ASTN2: variants seen among roughly 807,000 people sequenced by gnomAD.
ASTN2 encodes astrotactin-2.
A neutral mutation model predicts 139.8 loss-of-function variants in ASTN2; 54 were observed. That is an observed-to-expected ratio of 0.39 (90% confidence interval 0.31 to 0.48). The LOEUF is 0.48. Among genes scored for constraint, ASTN2 ranks in the 20% least tolerant of loss-of-function variants. The pLI is 0.95. For missense variants in ASTN2, 1,565 were observed against 1,725.1 expected (o/e 0.91, Z 1.64); for synonymous variants, 756 against 719.5 (o/e 1.05, Z -0.81).
At chr9:116,720,222 G>T (rs1048725279) in intron 16 of ASTN2, among the ~76,000 whole-genome samples, 3 of 152,196 alleles carry the variant, frequency 2.0e-5, no homozygotes, top group Non-Finnish European at 2.9e-5. Flanking sequence ...AAAGCACATT[G>T]TAATTCAAAT....
chr9:116,660,698 T>C (rs1318037178), intron 16 of ASTN2, among the ~76,000 whole-genome samples: 1 of 152,130 alleles, frequency 6.6e-6, no homozygotes, highest in Non-Finnish European at 1.5e-5. Flanking sequence ...AATTTCCCCT[T>C]AAATTACCTG....
intron 7 of ASTN2, among the ~76,000 whole-genome samples, chr9:117,000,178 T>C (rs557103359): frequency 1.5e-4 from 23 of 152,324 alleles, no homozygotes; most frequent in Non-Finnish European, 2.6e-4. Flanking sequence ...AAATTTTATT[T>C]TTCATCTCAT....
chr9:117,349,531 C>A (rs1319248885), intron 1 of ASTN2, among the ~76,000 whole-genome samples: 1 of 151,948 alleles, frequency 6.6e-6, no homozygotes, highest in African/African-American at 2.4e-5. Flanking sequence ...CACAAAGGTT[C>A]AGAAAAAATA....
At chr9:116,777,675 G>T (rs2132197883) in intron 13 of ASTN2, among the ~76,000 whole-genome samples, 1 of 152,218 alleles carries the variant, frequency 6.6e-6, no homozygotes, top group Middle Eastern at 3.4e-3. Flanking sequence ...CAAACTCCCA[G>T]GTGATGCTGA....
intron 1 of ASTN2, among the ~76,000 whole-genome samples, chr9:117,354,368 C>G (rs2130885198): frequency 6.6e-6 from 1 of 152,220 alleles, no homozygotes; most frequent in South Asian, 2.1e-4. Flanking sequence ...GCTCCCTACA[C>G]TCATCAAGCT....
chr9:116,558,731 C>T (rs951300199), intron 19 of ASTN2, among the ~76,000 whole-genome samples: 1 of 152,166 alleles, frequency 6.6e-6, no homozygotes, highest in African/African-American at 2.4e-5. Flanking sequence ...ACCTACCAGA[C>T]ACAAGGTTCA....
At chr9:116,992,039 C>T (rs993495542) in intron 7 of ASTN2, among the ~76,000 whole-genome samples, 2 of 152,200 alleles carry the variant, frequency 1.3e-5, no homozygotes, top group African/African-American at 2.4e-5. Context: ...CCCAGAAAAG[C>T]AATGCCAGAA....
intron 2 of ASTN2, among the ~76,000 whole-genome samples, chr9:117,226,093 G>C (rs1240373957): frequency 2.6e-5 from 4 of 152,190 alleles, no homozygotes; most frequent in African/African-American, 9.7e-5. Flanking sequence ...GTAAAACGTA[G>C]AGAAAGTGAG....
intron 10 of ASTN2, among the ~76,000 whole-genome samples, chr9:116,906,115 T>A (rs1400983377): frequency 3.3e-5 from 5 of 152,054 alleles, no homozygotes; most frequent in Admixed American, 2.6e-4. Context: ...GGGCTCGAGA[T>A]GACCAGGGAA....
Position 117,132,366 on chromosome 9 carries a change from C to T in ASTN2, c.1168+8960G>A, listed in dbSNP as rs577476978. 1.3e-3 allele frequency among the ~76,000 whole-genome samples: 198 copies of T among 152,224 alleles called. 1 individual carries two copies. Among genetic ancestry groups the T allele is most frequent in the Non-Finnish European group, 2.3e-3 (154 of 68,010 alleles). The stretch of plus-strand genomic sequence containing the variant: ...AAATGGGTGCTATTTTAGTTCACTA[C>T]GTTTTAGGTTGTTTTATTATGCAAC... On this transcript the variant is annotated intron_variant, in intron 4 of 22. Coordinates refer to ENST00000313400, the MANE Select transcript of ASTN2 (RefSeq NM_001365068.1).
intron 19 of ASTN2, among the ~76,000 whole-genome samples, chr9:116,614,745 T>A (rs1402809409): frequency 2.0e-5 from 3 of 152,254 alleles, no homozygotes; most frequent in Non-Finnish European, 4.4e-5. Flanking sequence ...AAGACTTAAA[T>A]GTTAGACCTA....
intron 19 of ASTN2, chr9:116,540,752 G>C (rs538126660): frequency 6.6e-6 from 1 of 152,262 alleles, no homozygotes; most frequent in South Asian, 2.1e-4. Context: ...GAATTTAGTG[G>C]ATTTTAAAAT....
intron 12 of ASTN2, among the ~76,000 whole-genome samples, chr9:116,814,134 T>G (rs1831245420): frequency 6.6e-6 from 1 of 151,472 alleles, no homozygotes; most frequent in South Asian, 2.1e-4. Flanking sequence ...ACGTTAGGAA[T>G]AAATCTAAGT....
intron 16 of ASTN2, chr9:116,700,863 A>C (rs1861136117): frequency 6.0e-6 from 1 of 166,890 alleles, no homozygotes; most frequent in Admixed American, 6.5e-5. Context: ...CAGAGTGTAG[A>C]TATCTACCCA....
In ASTN2 at chr9:117,315,302, C is replaced by A. The variant is rs143000309; in HGVS notation, c.443-23789G>T. 8.1e-3 allele frequency among the ~76,000 whole-genome samples: 1,233 copies of A among 152,312 alleles called. 22 individuals carry two copies. The highest frequency in any genetic ancestry group is 0.028 in the African/African-American group (1,160 of 41,558). On this transcript the variant is annotated intron_variant, in intron 1 of 22. Coordinates refer to ENST00000313400, the MANE Select transcript of ASTN2 (RefSeq NM_001365068.1). ...TATGTAATTCTCAGCAATGACACAGCCGTGCCTATTTTCCAGTTTCCTTTA... is the reference window on the plus strand; with the variant it reads ...TATGTAATTCTCAGCAATGACACAGACGTGCCTATTTTCCAGTTTCCTTTA...
At chr9:117,061,404 C>T (rs192087720) in intron 5 of ASTN2, among the ~76,000 whole-genome samples, 25 of 40,272 alleles carry the variant, frequency 6.2e-4, no homozygotes, top group South Asian at 2.3e-3. Context: ...TCTTTTTTTC[C>T]TCCATTTTTT....
intron 19 of ASTN2, among the ~76,000 whole-genome samples, chr9:116,553,267 C>G (rs926303245): frequency 1.3e-5 from 2 of 152,132 alleles, no homozygotes; most frequent in Admixed American, 1.3e-4. Flanking sequence ...GACCTCACTT[C>G]ATTTTAGTTT....
intron 11 of ASTN2, among the ~76,000 whole-genome samples, chr9:116,845,657 C>A (rs1050894511): frequency 6.6e-6 from 1 of 152,228 alleles, no homozygotes; most frequent in Admixed American, 6.5e-5. Flanking sequence ...GAATCATTAG[C>A]GAAATGCAAA....
intron 19 of ASTN2, among the ~76,000 whole-genome samples, chr9:116,576,317 T>G (rs1434775805): frequency 1.3e-5 from 2 of 152,160 alleles, no homozygotes; most frequent in South Asian, 4.1e-4. Context: ...ATATCCCTAT[T>G]ATACATGCAA....
Sources: gnomAD v4.1 joint callset for allele counts (sites outside exome capture counted in the v4.1 genomes callset) on GRCh38, gnomAD v4.1.1 for gene constraint, MANE v1.5 for transcripts, NCBI Gene and HGNC (gene_info 2026-07-23, HGNC 2026-07-21) for gene names.